The following KCNIP4 variants were observed in gnomAD, a reference collection of about 807,000 sequenced individuals.
KCNIP4 encodes the protein Kv channel-interacting protein 4.
Under a neutral mutation model 34.0 loss-of-function variants are expected in KCNIP4, and 12 were observed. That is an observed-to-expected ratio of 0.35 (90% CI 0.23 to 0.57). The LOEUF (loss-of-function observed/expected upper bound fraction) is 0.57, where lower values mean the gene tolerates loss of function less well. KCNIP4 is among the 20% of genes least tolerant of loss of function. The probability of loss-of-function intolerance (pLI) is 0.83; values close to 1 mark genes in which losing one functional copy is unlikely to be tolerated. For synonymous variants in KCNIP4, 124 were observed against 102.2 expected (o/e 1.21, Z -1.29); for missense variants, 238 against 311.7 (o/e 0.76, Z 1.78).
At chr4:21,861,101 G>A (rs1725049482) in intron 1 of KCNIP4, among the ~76,000 whole-genome samples, 1 of 152,174 alleles carries the variant, frequency 6.6e-6, no homozygotes. Context: ...TATTCAAGGT[G>A]TAACATCCTA....
intron 1 of KCNIP4, among the ~76,000 whole-genome samples, chr4:20,995,173 C>A (rs1215979871): frequency 6.6e-6 from 1 of 152,108 alleles, no homozygotes; most frequent in African/African-American, 2.4e-5. Context: ...AAAATGGCTG[C>A]AAAACAGGGT....
chr4:21,166,948 A>AAAAAAAAAAAAAAAAAAAAAC (rs1753674208), intron 1 of KCNIP4, among the ~76,000 whole-genome samples: 1 of 149,988 alleles, frequency 6.7e-6, no homozygotes, highest in African/African-American at 2.5e-5. Context: ...CAAAAAAAAA[A>AAAAAAAAAAAAAAAAAAAAAC]AAAAAAAAAA....
chr4:21,216,020 G>A (rs1030621416), intron 1 of KCNIP4, among the ~76,000 whole-genome samples: 8 of 152,128 alleles, frequency 5.3e-5, no homozygotes, highest in African/African-American at 1.9e-4. Context: ...TGAACTCCAG[G>A]AATCAAGCAA....
chr4:21,692,369 TAAG>T (rs987599594), intron 1 of KCNIP4, among the ~76,000 whole-genome samples: 5 of 152,192 alleles, frequency 3.3e-5, no homozygotes, highest in South Asian at 4.1e-4. Flanking sequence ...TGGCAGATTA[TAAG>T]AAGATTAAGC....
intron 1 of KCNIP4, among the ~76,000 whole-genome samples, chr4:21,791,387 G>A (rs1488844355): frequency 1.3e-5 from 2 of 152,122 alleles, no homozygotes; most frequent in Admixed American, 1.3e-4. Context: ...AGGAATTGCG[G>A]GGCAGAAGGT....
chr4:20,978,332 T>C (rs1735683939), intron 1 of KCNIP4, among the ~76,000 whole-genome samples: 2 of 152,250 alleles, frequency 1.3e-5, no homozygotes, highest in African/African-American at 4.8e-5. Context: ...TACTGGAAGT[T>C]ACTTATTATG....
At chr4:21,666,867 C>T (rs1019697431) in intron 1 of KCNIP4, among the ~76,000 whole-genome samples, 3 of 152,166 alleles carry the variant, frequency 2.0e-5, no homozygotes, top group African/African-American at 4.8e-5. Context: ...GGGTTCTTCT[C>T]CTGCTTACCT....
Position 21,349,685 on chromosome 4 carries a change from C to T in KCNIP4, c.62-466976G>A, listed in dbSNP as rs1420611848. ...CTGCTAACATGGCAGCCACCAGAGC[C>T]CTGGGTGTTTCTGGGTTCTTAAAGG... On this transcript the variant is annotated intron_variant, in intron 1 of 8. Coordinates refer to ENST00000382152, the MANE Select transcript of KCNIP4 (RefSeq NM_025221.6). 2.0e-5 allele frequency among the ~76,000 whole-genome samples: 3 copies of T among 152,226 alleles called. No individual in the cohort carries two copies. The East Asian group carries it at 5.8e-4, about 29-fold the overall frequency.
intron 1 of KCNIP4, among the ~76,000 whole-genome samples, chr4:21,870,936 C>T (rs1725754930): frequency 6.6e-6 from 1 of 151,904 alleles, no homozygotes; most frequent in South Asian, 2.1e-4. Context: ...TAAATAATAG[C>T]TAACTAAATT....
At chr4:21,228,184 C>A (rs1211082390) in intron 1 of KCNIP4, among the ~76,000 whole-genome samples, 1 of 152,102 alleles carries the variant, frequency 6.6e-6, no homozygotes, top group Non-Finnish European at 1.5e-5. Context: ...GGAGAAGGGG[C>A]CTAGTGGGAG....
chr4:21,189,943 G>A (rs1162923560), intron 1 of KCNIP4, among the ~76,000 whole-genome samples: 1 of 152,158 alleles, frequency 6.6e-6, no homozygotes, highest in African/African-American at 2.4e-5. Flanking sequence ...CTACAACTTT[G>A]TAGTTTAAGT....
chr4:21,077,400 G>A (rs1316136782), intron 1 of KCNIP4, among the ~76,000 whole-genome samples: 1 of 152,032 alleles, frequency 6.6e-6, no homozygotes, highest in Non-Finnish European at 1.5e-5. Flanking sequence ...CTATTCTCAA[G>A]GTTCTGGAAG....
chr4:21,021,385 A>G (rs1740019156), intron 1 of KCNIP4, among the ~76,000 whole-genome samples: 1 of 152,086 alleles, frequency 6.6e-6, no homozygotes, highest in Non-Finnish European at 1.5e-5. Context: ...CCCTAAATTT[A>G]ACTTAAAATT....
chr4:21,215,395 G>C (rs765200073), intron 1 of KCNIP4, among the ~76,000 whole-genome samples: 12 of 152,130 alleles, frequency 7.9e-5, no homozygotes, highest in Non-Finnish European at 1.6e-4. Context: ...TTAACTAAAA[G>C]ACATATTCAT....
At chr4:21,133,710 T>C (rs1751275479) in intron 1 of KCNIP4, among the ~76,000 whole-genome samples, 1 of 152,220 alleles carries the variant, frequency 6.6e-6, no homozygotes, top group African/African-American at 2.4e-5. Flanking sequence ...TACTACAATT[T>C]CTTCTGATTC....
At position 21,565,861 on chromosome 4, in the gene KCNIP4, C is replaced by A. The variant is rs865803565; in HGVS notation, c.61+382710G>T. 3.9e-5 allele frequency among the ~76,000 whole-genome samples: 6 copies of A among 152,222 alleles called. No homozygotes were observed. The South Asian group carries it at 1.0e-3, about 26-fold the overall frequency. On this transcript the variant is annotated intron_variant, in intron 1 of 8. Transcript: ENST00000382152. The stretch of plus-strand genomic sequence containing the variant: ...ATTAGACCATGGGGAAAACTGGTGA[C>A]TGATTCTGCCAGACCAAATCAAAGA...
chr4:21,045,813 A>G (rs770790405), intron 1 of KCNIP4, among the ~76,000 whole-genome samples: 33 of 152,304 alleles, frequency 2.2e-4, no homozygotes, highest in Admixed American at 4.6e-4. Flanking sequence ...AATACCAGCC[A>G]TTTATTAAGT....
chr4:21,067,188 T>C (rs1744475686), intron 1 of KCNIP4, among the ~76,000 whole-genome samples: 1 of 152,000 alleles, frequency 6.6e-6, no homozygotes, highest in Non-Finnish European at 1.5e-5. Context: ...AAAAACCCAG[T>C]TCTGGCAGGA....
intron 1 of KCNIP4, among the ~76,000 whole-genome samples, chr4:21,038,956 C>A (rs1202494320): frequency 6.6e-6 from 1 of 152,168 alleles, no homozygotes; most frequent in Non-Finnish European, 1.5e-5. Context: ...AGGCTGGCAT[C>A]CACATCATTC....
Sources: allele counts gnomAD v4.1 joint callset (sites outside exome capture counted in the v4.1 genomes callset), GRCh38; gene constraint gnomAD v4.1.1; transcripts MANE v1.5; gene names NCBI Gene and HGNC (gene_info 2026-07-23, HGNC 2026-07-21).